BUB3: variants seen among roughly 807,000 people sequenced by gnomAD.
BUB3 encodes mitotic checkpoint protein BUB3.
Under a neutral mutation model 39.9 loss-of-function variants are expected in BUB3, and 22 were observed. That is an observed-to-expected ratio of 0.55 (90% confidence interval 0.39 to 0.79). BUB3 has a LOEUF of 0.79. Ranked by LOEUF, BUB3 falls within the 30% of genes least tolerant of loss-of-function variation. BUB3 has a pLI of 0.00. For missense variants in BUB3, 303 were observed against 415.4 expected, an observed-to-expected ratio of 0.73 and a Z score of 2.35; for synonymous variants, 168 against 155.1, an observed-to-expected ratio of 1.08 and a Z score of -0.62.
chr10:123,160,639 T>G (rs1589690295), intron 5 of BUB3, 74 bp downstream of exon 5: 204 of 1,220,568 alleles, frequency 1.7e-4, no homozygotes, highest in Non-Finnish European at 2.0e-4. Flanking sequence ...ATTTGGCCAC[T>G]AGCCCCTAAA....
chr10:123,164,575 A>AG lies in BUB3; in HGVS notation c.*740_*741insG. 5.1e-6 allele frequency: 5 copies of AG among 987,302 alleles called. No homozygotes were observed. The highest frequency in any genetic ancestry group is 6.0e-6 in the Non-Finnish European group (5 of 831,226). 61.2% of individuals were successfully genotyped at this position (987,302 alleles called of 1,614,324 possible). ...AGAGCATATCTGTGTATTTGGAAAA[A>AG]TAATTGTAACGTAATTGCAGTGCAT... is the stretch of plus-strand genomic sequence containing the variant. On this transcript the variant is annotated 3_prime_UTR_variant, in exon 8 of 8. Coordinates refer to ENST00000368865, the MANE Select transcript of BUB3 (RefSeq NM_004725.4).
chr10:123,159,618 A>G (rs761559666), intron 4 of BUB3, among the ~76,000 whole-genome samples: 4 of 152,218 alleles, frequency 2.6e-5, no homozygotes, highest in African/African-American at 7.2e-5. Context: ...AGGAAATTCT[A>G]TGGTTTATTA....
chr10:123,165,193 T>A lies in BUB3; in HGVS notation c.*1358T>A. The A allele has an allele frequency of 9.9e-7, 1 of 1,013,432 alleles. No individual in the cohort carries two copies. Among genetic ancestry groups the A allele is most frequent in the Non-Finnish European group, 1.5e-6 (1 of 671,152 alleles). The allele number at this position is 1,013,432 out of a possible 1,614,324, so 62.8% of individuals were successfully genotyped here. A position where few individuals can be genotyped will look rare whatever the true frequency, so the allele number is the denominator to read the frequency against. On this transcript the variant is annotated 3_prime_UTR_variant, in exon 8 of 8. Transcript: ENST00000368865. The stretch of plus-strand genomic sequence containing the variant: ...TTACAAGAAACTTGTCTATGTACCT[T>A]AATACTTTGTTTAGGATGAGGAGTC...
intron 3 of BUB3, 67 bp downstream of exon 3, chr10:123,155,794 A>G: frequency 6.8e-7 from 1 of 1,478,072 alleles, no homozygotes; most frequent in East Asian, 2.3e-5. Context: ...ATGTTTATGT[A>G]GGAAGAGTGG....
In BUB3 at chr10:123,165,760, TAAC is replaced by T. The variant is rs1310834389; in HGVS notation, c.*1927_*1929del. On this transcript the variant is annotated 3_prime_UTR_variant, in exon 8 of 8. Coordinates refer to ENST00000368865, the MANE Select transcript of BUB3 (RefSeq NM_004725.4). ...TAGTCATAGTCCACACAGAGCCAAATAACAGACCCTTCTGTACTTAGCCATCAA... is the reference window on the plus strand; with the variant it reads ...TAGTCATAGTCCACACAGAGCCAAATAGACCCTTCTGTACTTAGCCATCAA... The T allele has an allele frequency of 3.3e-5, 5 of 152,096 alleles. No homozygotes were observed. The highest frequency in any genetic ancestry group is 1.2e-4 in the African/African-American group (5 of 41,382). The allele number at this position is 152,096 out of a possible 1,614,324, so 9.4% of individuals were successfully genotyped here.
At position 123,166,226 on chromosome 10, in the gene BUB3, C is replaced by T. The variant is rs988172979; in HGVS notation, c.*2391C>T. On this transcript the variant is annotated 3_prime_UTR_variant, in exon 8 of 8. Coordinates refer to ENST00000368865, the MANE Select transcript of BUB3 (RefSeq NM_004725.4). ...TAAGTGTCTCTTCTGTTTATCTTTT[C>T]TTCCTACTGCTACCATCCCAGGGCC... 6.6e-6 allele frequency: 1 copy of T among 152,158 alleles called. No individual in the cohort carries two copies. Among genetic ancestry groups the T allele is most frequent in the African/African-American group, 2.4e-5 (1 of 41,420 alleles). The allele number at this position is 152,158 out of a possible 1,614,324, so 9.4% of individuals were successfully genotyped here.
intron 1 of BUB3, among the ~76,000 whole-genome samples, chr10:123,154,696 G>A (rs1034457304): frequency 1.3e-5 from 2 of 152,204 alleles, no homozygotes; most frequent in Non-Finnish European, 1.5e-5. Context: ...GCTGGGTTTA[G>A]GGGGACGGCG....
chr10:123,165,130 A>G lies in BUB3; in HGVS notation c.*1295A>G. 6.6e-7 allele frequency: 1 copy of G among 1,512,040 alleles called. No individual in the cohort carries two copies. Among genetic ancestry groups the G allele is most frequent in the Non-Finnish European group, 9.2e-7 (1 of 1,092,376 alleles). The allele number at this position is 1,512,040 out of a possible 1,614,324, so 93.7% of individuals were successfully genotyped here. A position where few individuals can be genotyped will look rare whatever the true frequency, so the allele number is the denominator to read the frequency against. ...CAAATACATGCTTATTCCTTAAGGGATGTGTTAGAGTTACTGTGGATTTCT... is the reference window on the plus strand; with the variant it reads ...CAAATACATGCTTATTCCTTAAGGGGTGTGTTAGAGTTACTGTGGATTTCT... On this transcript the variant is annotated 3_prime_UTR_variant, in exon 8 of 8. Transcript: ENST00000368865.
Position 123,155,685 on chromosome 10 carries a change from C to G in BUB3, c.223C>G (p.Leu75Val). 1 of 1,614,098 alleles carries G rather than the reference C, an allele frequency of 6.2e-7. No homozygotes were observed. The highest frequency in any genetic ancestry group is 1.3e-5 in the African/African-American group (1 of 75,020). ...YDPTHAWSGG[L>V]DHQLKMHDLN... ...TCCAACGCATGCCTGGAGTGGAGGACTAGATCATCAATTGAAAATGCATGA... is the reference window on the plus strand; with the variant it reads ...TCCAACGCATGCCTGGAGTGGAGGAGTAGATCATCAATTGAAAATGCATGA... The change falls in exon 3 of 8, where the codon CTA (leucine) becomes GTA (valine). Residue 75 changes from leucine to valine, a missense_variant. By Grantham distance (32) the Leu-to-Val change is conservative. Transcript: ENST00000368865.
chr10:123,169,005 A>G lies in BUB3; in HGVS notation c.*5170A>G, dbSNP rs77232264. 5,219 of 152,394 alleles carry G rather than the reference A, an allele frequency of 0.034. 160 individuals are homozygous for G. The highest frequency in any genetic ancestry group is 0.099 in the East Asian group (513 of 5,190). 9.4% of individuals were successfully genotyped at this position (152,394 alleles called of 1,614,324 possible). The stretch of plus-strand genomic sequence containing the variant: ...CCTGGATACAAAAGAGCCTGTGGCT[A>G]TGACTATCAGGATTCTGGCCATGAG... On this transcript the variant is annotated 3_prime_UTR_variant, in exon 8 of 8. Coordinates refer to ENST00000368865, the MANE Select transcript of BUB3 (RefSeq NM_004725.4).
At position 123,165,961 on chromosome 10, in the gene BUB3, T is replaced by C. The variant is rs925419769; in HGVS notation, c.*2126T>C. The C allele has an allele frequency of 2.6e-5, 4 of 152,216 alleles. No individual in the cohort carries two copies. The highest frequency in any genetic ancestry group is 4.8e-5 in the African/African-American group (2 of 41,450). 9.4% of individuals were successfully genotyped at this position (152,216 alleles called of 1,614,324 possible). A position where few individuals can be genotyped will look rare whatever the true frequency, so the allele number is the denominator to read the frequency against. On this transcript the variant is annotated 3_prime_UTR_variant, in exon 8 of 8. Transcript: ENST00000368865. ...TGAAAGAATTAATATAGTATTGTTA[T>C]AGGTAACCAAATTATAGTAATGTGG...
In BUB3 at chr10:123,164,074, G is replaced by A; in HGVS notation, c.*239G>A. On this transcript the variant is annotated 3_prime_UTR_variant, in exon 8 of 8. Coordinates refer to ENST00000368865, the MANE Select transcript of BUB3 (RefSeq NM_004725.4). ...GTATTTGGGCAAACAAAATTGGAGG[G>A]CAAGTGACTGCAGTTTTGAGAATCA... 8.4e-7 allele frequency: 1 copy of A among 1,192,152 alleles called. No individual in the cohort carries two copies. The highest frequency in any genetic ancestry group is 1.0e-6 in the Non-Finnish European group (1 of 962,398). The allele number at this position is 1,192,152 out of a possible 1,614,324, so 73.8% of individuals were successfully genotyped here.
At position 123,154,924 on chromosome 10, in the gene BUB3, G is replaced by C; in HGVS notation, c.7G>C (p.Gly3Arg). Reference protein sequence around the residue: MTGSNEFKLNQPP... With the variant: MTRSNEFKLNQPP... ...CTGGGCGCCTGTTCTGCAGATGACC[G>C]GTTCTAACGAGTTCAAGCTGAACCA... Residue 3 changes from glycine (G) to arginine (R), a missense_variant, in exon 2 of 8, where the codon GGT becomes CGT. By Grantham distance (125) the Gly-to-Arg change is moderately radical (BLOSUM62 -2). Around this residue, in one of 2 missense-constraint regions of BUB3, gnomAD observed 121 missense variants for 122.3 expected, o/e 0.99. Coordinates refer to ENST00000368865, the MANE Select transcript of BUB3 (RefSeq NM_004725.4). 1 of 1,612,986 alleles carries C rather than the reference G, an allele frequency of 6.2e-7. No individual in the cohort carries two copies.
chr10:123,158,319 A>G lies in BUB3; in HGVS notation c.417+439A>G, dbSNP rs532964239. 2.6e-5 allele frequency among the ~76,000 whole-genome samples: 4 copies of G among 152,334 alleles called. No homozygotes were observed. The South Asian group carries it at 8.3e-4, about 32-fold the overall frequency. On this transcript the variant is annotated intron_variant, in intron 4 of 7. Coordinates refer to ENST00000368865, the MANE Select transcript of BUB3 (RefSeq NM_004725.4). ...CAAAATGGGTTATCATTTCAAGTTC[A>G]GTAAGAAAGGTGTTTTATGTTCCCT...
rs762926964 is a variant in BUB3 at position 123,157,898 on chromosome 10, A to G, written c.417+18A>G. 15 of 1,603,714 alleles carry G rather than the reference A, an allele frequency of 9.4e-6. No homozygotes were observed. The Admixed American group carries it at 2.6e-4, about 28-fold the overall frequency. ...CTGAAAAGGTAGGCTCTTTATATTC[A>G]TTGCAGGAGTTGATGGTTTTGGGGT... On this transcript the variant is annotated intron_variant, in intron 4 of 7. Transcript: ENST00000368865.
At position 123,157,723 on chromosome 10, in the gene BUB3, C is replaced by A; in HGVS notation, c.266-6C>A. The A allele has an allele frequency of 6.5e-7, 1 of 1,548,486 alleles. No homozygotes were observed. Among genetic ancestry groups the A allele is most frequent in the Non-Finnish European group, 8.7e-7 (1 of 1,146,384 alleles). ...GGGGTTTTTTCCCCTTTTTTTTTCT[C>A]TATAGAAAATCTTGTTGGGACCCAT... On this transcript the variant is annotated splice_region_variant and splice_polypyrimidine_tract_variant and intron_variant, in intron 3 of 7. Coordinates refer to ENST00000368865, the MANE Select transcript of BUB3 (RefSeq NM_004725.4).
Position 123,162,240 on chromosome 10 carries a change from A to G in BUB3, c.581A>G (p.Tyr194Cys), listed in dbSNP as rs1469874606. 6.2e-7 allele frequency: 1 copy of G among 1,611,602 alleles called. No homozygotes were observed. The highest frequency in any genetic ancestry group is 8.5e-7 in the Non-Finnish European group (1 of 1,179,326). Residue 194 changes from tyrosine to cysteine, a missense_variant, in exon 6 of 8, where the codon TAT becomes TGT. This residue lies in a region of BUB3 where 182 missense variants were observed against 293.1 expected (regional missense o/e 0.62). Transcript: ENST00000368865. ...CCTCTGGTTCTCTCTTGGCAGGGTT[A>G]TGTATTAAGCTCTATTGAAGGCCGA... ...CIRAFPNKQG[Y>C]VLSSIEGRVA...
rs1844501875 is a variant in BUB3, at chr10:123,167,072, T to C, written c.*3237T>C. ...CTTAGATCACTACAACGAATCCTTG[T>C]AAATTTGTTTAACTCAGTTTTCCCC... On this transcript the variant is annotated 3_prime_UTR_variant, in exon 8 of 8. Transcript: ENST00000368865. The C allele has an allele frequency of 6.6e-6, 1 of 152,244 alleles. No homozygotes were observed. Among genetic ancestry groups the C allele is most frequent in the Non-Finnish European group, 1.5e-5 (1 of 68,046 alleles). The allele number at this position is 152,244 out of a possible 1,614,324, so 9.4% of individuals were successfully genotyped here.
At chr10:123,157,667 A>T (rs971818569) in intron 3 of BUB3, 62 bp from the exon 4 acceptor site, 48 of 1,465,478 alleles carry the variant, frequency 3.3e-5, no homozygotes, top group Non-Finnish European at 4.1e-5. Flanking sequence ...TTATTTTAGG[A>T]ATCTTTAGTA....
Sources: allele counts gnomAD v4.1 joint callset (sites outside exome capture counted in the v4.1 genomes callset), GRCh38; gene constraint gnomAD v4.1.1; regional missense constraint gnomAD v4.1.1; transcripts MANE v1.5; gene names NCBI Gene and HGNC (gene_info 2026-07-23, HGNC 2026-07-21).